The following PTPRG variants were observed in gnomAD, a reference collection of about 807,000 sequenced individuals.
PTPRG encodes receptor-type tyrosine-protein phosphatase gamma.
PTPRG carries 102 observed loss-of-function variants against 165.3 expected under a neutral mutation model. The ratio of observed to expected loss-of-function variants is 0.62; its 90% CI spans 0.53 to 0.73. PTPRG has a LOEUF of 0.73. Ranked by LOEUF, PTPRG falls within the 30% of genes least tolerant of loss-of-function variation. PTPRG has a pLI of 0.00. For missense variants in PTPRG, 1,866 were observed against 1,861.4 expected, an observed-to-expected ratio of 1.00 and a Z score of -0.05; for synonymous variants, 675 against 669.5, an observed-to-expected ratio of 1.01 and a Z score of -0.13.
intron 4 of PTPRG, among the ~76,000 whole-genome samples, chr3:62,070,455 C>G (rs1269676937): frequency 6.6e-6 from 1 of 152,192 alleles, no homozygotes; most frequent in East Asian, 1.9e-4. Flanking sequence ...TTAGAGCTCC[C>G]ACTCATTTTA....
intron 4 of PTPRG, among the ~76,000 whole-genome samples, chr3:62,041,201 T>C (rs780538769): frequency 3.3e-5 from 5 of 152,222 alleles, no homozygotes; most frequent in Non-Finnish European, 4.4e-5. Context: ...ATTTACTCTA[T>C]TTTGTGTGTG....
At chr3:62,063,211 T>A (rs1700878582) in intron 4 of PTPRG, among the ~76,000 whole-genome samples, 1 of 152,226 alleles carries the variant, frequency 6.6e-6, no homozygotes, top group African/African-American at 2.4e-5. Flanking sequence ...CCATCATATG[T>A]TTTCTCTGAT....
chr3:61,762,008 A>C (rs2033853339), intron 2 of PTPRG, among the ~76,000 whole-genome samples: 1 of 151,688 alleles, frequency 6.6e-6, no homozygotes, highest in Non-Finnish European at 1.5e-5. Flanking sequence ...AGATTTTAGC[A>C]GGAAAATGAA....
chr3:62,231,321 G>A lies in PTPRG; in HGVS notation c.2375+10G>A, dbSNP rs376105029. 21 of 1,564,630 alleles carry A rather than the reference G, an allele frequency of 1.3e-5. No homozygotes were observed. The highest frequency in any genetic ancestry group is 4.1e-5 in the African/African-American group (3 of 72,428). On this transcript the variant is annotated intron_variant, in intron 14 of 29. Transcript: ENST00000474889. ...GAGAGAAGGGGAGCAGGTGAGGGGC[G>A]GTCAAGCTTAAGTGGGGGGCGTCTT...
At chr3:62,136,861 T>C (rs145899602) in intron 6 of PTPRG, among the ~76,000 whole-genome samples, 1 of 152,140 alleles carries the variant, frequency 6.6e-6, no homozygotes, top group Non-Finnish European at 1.5e-5. Context: ...AACTGCCCAG[T>C]CTTGGGCATG....
At chr3:62,167,364 G>T (rs977544354) in intron 7 of PTPRG, among the ~76,000 whole-genome samples, 1 of 152,106 alleles carries the variant, frequency 6.6e-6, no homozygotes, top group Non-Finnish European at 1.5e-5. Context: ...AAGATGCCAA[G>T]AATTAAATCC....
chr3:62,009,014 T>C (rs1412137917), intron 4 of PTPRG, among the ~76,000 whole-genome samples: 3 of 152,212 alleles, frequency 2.0e-5, no homozygotes. Flanking sequence ...AATATTCCTA[T>C]AACGAGCAAA....
rs550781027 is a variant in PTPRG at position 61,688,996 on chromosome 3, C to T, written c.86-59882C>T. Among the ~76,000 whole-genome samples the T allele has an allele frequency of 1.1e-4, 16 of 152,300 alleles. No homozygotes were observed. The East Asian group carries it at 1.2e-3, about 11-fold the overall frequency. On this transcript the variant is annotated intron_variant, in intron 1 of 29. Transcript: ENST00000474889. Reference sequence around the variant, plus strand: ...CAGAGGCTGAGGAAGTTTGGTGGTACGACTGCACTTGGTTAAGCAGCCAGT... The same window carrying T: ...CAGAGGCTGAGGAAGTTTGGTGGTATGACTGCACTTGGTTAAGCAGCCAGT...
intron 1 of PTPRG, among the ~76,000 whole-genome samples, chr3:61,644,029 C>T (rs565825324): frequency 2.0e-5 from 3 of 152,076 alleles, no homozygotes; most frequent in African/African-American, 7.2e-5. Context: ...CAGAGACGAT[C>T]ACAATCACAT....
chr3:62,153,659 A>G (rs1291061562), intron 6 of PTPRG, among the ~76,000 whole-genome samples: 5 of 152,250 alleles, frequency 3.3e-5, no homozygotes, highest in Admixed American at 3.3e-4. Flanking sequence ...CAATGAGAGT[A>G]AGAATAATAT....
intron 2 of PTPRG, among the ~76,000 whole-genome samples, chr3:61,951,753 A>AT (rs1014688017): frequency 6.6e-6 from 1 of 152,196 alleles, no homozygotes; most frequent in African/African-American, 2.4e-5. Context: ...TCTGTTGCTG[A>AT]TGGGGTTACT....
At chr3:62,041,510 A>C (rs1700129854) in intron 4 of PTPRG, among the ~76,000 whole-genome samples, 1 of 152,192 alleles carries the variant, frequency 6.6e-6, no homozygotes, top group African/African-American at 2.4e-5. Context: ...ATGTGAGGAA[A>C]TTCTGCCGAA....
chr3:61,654,761 G>A (rs188737112), intron 1 of PTPRG, among the ~76,000 whole-genome samples: 3 of 148,794 alleles, frequency 2.0e-5, no homozygotes, highest in East Asian at 4.1e-4. Context: ...TGCTGACAAA[G>A]GAAGGCTACC....
At chr3:62,259,089 T>C (rs1425240523) in intron 16 of PTPRG, among the ~76,000 whole-genome samples, 1 of 152,226 alleles carries the variant, frequency 6.6e-6, no homozygotes, top group East Asian at 1.9e-4. Flanking sequence ...GTTAACCAGC[T>C]GTGCTAAATT....
chr3:62,131,726 A>G (rs955965964), intron 5 of PTPRG, among the ~76,000 whole-genome samples: 3 of 152,136 alleles, frequency 2.0e-5, no homozygotes, highest in African/African-American at 7.2e-5. Flanking sequence ...ATAATGACCC[A>G]TCCTATACCC....
chr3:61,853,424 C>A (rs2037020579), intron 2 of PTPRG, among the ~76,000 whole-genome samples: 1 of 152,184 alleles, frequency 6.6e-6, no homozygotes, highest in Admixed American at 6.5e-5. Context: ...TTGGAACAAG[C>A]TCACTCCAAT....
chr3:61,684,671 G>A (rs549685927), intron 1 of PTPRG, among the ~76,000 whole-genome samples: 1 of 152,336 alleles, frequency 6.6e-6, no homozygotes, highest in Admixed American at 6.5e-5. Flanking sequence ...TTACAGCTTA[G>A]TTTGGGAGCC....
intron 2 of PTPRG, among the ~76,000 whole-genome samples, chr3:61,838,258 A>G (rs1280665219): frequency 1.3e-5 from 2 of 152,222 alleles, no homozygotes; most frequent in Admixed American, 6.5e-5. Context: ...CTGTTGGGTT[A>G]TCTACCTGAA....
chr3:61,807,317 A>C (rs1331812435), intron 2 of PTPRG, among the ~76,000 whole-genome samples: 1 of 152,200 alleles, frequency 6.6e-6, no homozygotes, highest in Non-Finnish European at 1.5e-5. Flanking sequence ...CAGACGTATA[A>C]GCAGTTGGAG....
Sources: allele counts gnomAD v4.1 joint callset (sites outside exome capture counted in the v4.1 genomes callset), GRCh38; gene constraint gnomAD v4.1.1; transcripts MANE v1.5; gene names NCBI Gene and HGNC (gene_info 2026-07-23, HGNC 2026-07-21).